AHI1: variants seen among roughly 807,000 people sequenced by gnomAD.
AHI1 encodes the protein Abelson helper integration site 1, also known as jouberin.
AHI1 carries 123 observed loss-of-function variants against 149.3 expected under a neutral mutation model. The observed-to-expected ratio is 0.82, with a 90% CI of 0.71 to 0.96. The LOEUF is 0.96. Ranked by LOEUF, AHI1 falls within the 40% of genes least tolerant of loss-of-function variation. AHI1 has a pLI of 0.00. For synonymous variants in AHI1, 475 were observed against 459.8 expected (o/e 1.03, Z -0.42); for missense variants, 1,439 against 1,422.7 (o/e 1.01, Z -0.18).
chr6:135,312,853 T>C (rs1785405480), intron 26 of AHI1, among the ~76,000 whole-genome samples: 1 of 152,234 alleles, frequency 6.6e-6, no homozygotes, highest in Non-Finnish European at 1.5e-5. Context: ...AGTTCTGTAA[T>C]TCTATGAACT....
intron 27 of AHI1, among the ~76,000 whole-genome samples, chr6:135,297,790 ATAAAC>A (rs1224179448): frequency 6.6e-6 from 1 of 152,202 alleles, no homozygotes; most frequent in Non-Finnish European, 1.5e-5. Context: ...AATGTGGACT[ATAAAC>A]TACCTCCTCA....
intron 24 of AHI1, among the ~76,000 whole-genome samples, chr6:135,333,841 C>A (rs1788963084): frequency 6.6e-6 from 1 of 152,100 alleles, no homozygotes; most frequent in South Asian, 2.1e-4. Flanking sequence ...TACCTTCCAG[C>A]TTTAAAATTT....
At chr6:135,446,416 C>T (rs2757647) in intron 13 of AHI1, among the ~76,000 whole-genome samples, 66,791 of 152,018 alleles carry the variant, frequency 0.44, 17,749 homozygotes, top group East Asian at 0.59. Flanking sequence ...CCAGTCATCA[C>T]CTTGATCTTT....
At chr6:135,348,039 A>C (rs533785354) in intron 24 of AHI1, among the ~76,000 whole-genome samples, 3 of 152,216 alleles carry the variant, frequency 2.0e-5, no homozygotes, top group Non-Finnish European at 4.4e-5. Context: ...AGTTATACCA[A>C]GGGTGTCTGT....
intron 14 of AHI1, among the ~76,000 whole-genome samples, chr6:135,439,323 T>C (rs766881085): frequency 6.6e-6 from 1 of 152,238 alleles, no homozygotes; most frequent in South Asian, 2.1e-4. Flanking sequence ...TAGCTCCATG[T>C]CTCCAGCATG....
intron 23 of AHI1, among the ~76,000 whole-genome samples, chr6:135,384,881 G>C (rs1349366093): frequency 6.6e-6 from 1 of 152,148 alleles, no homozygotes; most frequent in East Asian, 1.9e-4. Flanking sequence ...CTGAGGTCAG[G>C]AGTTCAACAC....
At chr6:135,315,996 A>G (rs886499585) in intron 26 of AHI1, among the ~76,000 whole-genome samples, 1 of 152,152 alleles carries the variant, frequency 6.6e-6, no homozygotes, top group Non-Finnish European at 1.5e-5. Flanking sequence ...ATTCTAGGAT[A>G]CTGAGCAACA....
At chr6:135,447,397 G>A (rs1045651276) in intron 12 of AHI1, among the ~76,000 whole-genome samples, 4 of 152,014 alleles carry the variant, frequency 2.6e-5, no homozygotes, top group African/African-American at 9.7e-5. Flanking sequence ...TGACCACAAA[G>A]GTCACATGAA....
intron 8 of AHI1, among the ~76,000 whole-genome samples, chr6:135,461,400 C>T (rs1789860009): frequency 6.6e-6 from 1 of 151,954 alleles, no homozygotes; most frequent in African/African-American, 2.4e-5. Flanking sequence ...AATTTAGTCA[C>T]TCCTAAGAAT....
rs1192671280 is a variant in AHI1 at position 135,387,746 on chromosome 6, A to G, written c.3109+7030T>C. 2.6e-6 allele frequency: 3 copies of G among 1,174,764 alleles called. No individual in the cohort carries two copies. The East Asian group carries it at 9.9e-5, about 39-fold the overall frequency. 72.8% of individuals were successfully genotyped at this position (1,174,764 alleles called of 1,614,324 possible). Reference sequence around the variant, plus strand: ...CTTTTGGCAATAAAACAAACTGTATAATTTCAAACTAAAAAAAAAAATCAA... The same window carrying G: ...CTTTTGGCAATAAAACAAACTGTATGATTTCAAACTAAAAAAAAAAATCAA... On this transcript the variant is annotated intron_variant, in intron 23 of 28. Coordinates refer to ENST00000265602, the MANE Select transcript of AHI1 (RefSeq NM_001134831.2).
intron 25 of AHI1, among the ~76,000 whole-genome samples, chr6:135,319,795 G>A (rs1301560566): frequency 6.6e-6 from 1 of 152,096 alleles, no homozygotes; most frequent in Admixed American, 6.5e-5. Flanking sequence ...TTTATTATTG[G>A]GTTTATCTCA....
At chr6:135,307,938 CCAA>C (rs1237989023) in intron 26 of AHI1, among the ~76,000 whole-genome samples, 2 of 151,972 alleles carry the variant, frequency 1.3e-5, no homozygotes, top group East Asian at 3.9e-4. Flanking sequence ...CAGCATATTC[CCAA>C]CAACAAAGAA....
chr6:135,418,015 T>C (rs535622958), intron 20 of AHI1, among the ~76,000 whole-genome samples: 13 of 76,322 alleles, frequency 1.7e-4, no homozygotes, highest in Non-Finnish European at 2.3e-4. Context: ...GAGTATAATT[T>C]TGCAATTAAA....
At chr6:135,399,978 T>C (rs1192427226) in intron 22 of AHI1, among the ~76,000 whole-genome samples, 1 of 152,096 alleles carries the variant, frequency 6.6e-6, no homozygotes, top group Non-Finnish European at 1.5e-5. Context: ...GGGACTTGTA[T>C]GGATTATTAC....
At chr6:135,480,368 G>A (rs1029059673) in intron 5 of AHI1, among the ~76,000 whole-genome samples, 1 of 151,970 alleles carries the variant, frequency 6.6e-6, no homozygotes, top group South Asian at 2.1e-4. Flanking sequence ...GGAGGTGGGA[G>A]AATTGCTTAA....
intron 23 of AHI1, among the ~76,000 whole-genome samples, chr6:135,380,367 A>T (rs1157149116): frequency 6.6e-6 from 1 of 152,154 alleles, no homozygotes; most frequent in Non-Finnish European, 1.5e-5. Context: ...ATTAGGTATT[A>T]TAAGTAATCT....
intron 21 of AHI1, among the ~76,000 whole-genome samples, chr6:135,406,173 C>G (rs1186473163): frequency 6.6e-6 from 1 of 152,214 alleles, no homozygotes; most frequent in Non-Finnish European, 1.5e-5. Context: ...CACAGGTGGA[C>G]AGTACCTTGA....
At chr6:135,406,730 G>A (rs1289189496) in intron 21 of AHI1, among the ~76,000 whole-genome samples, 2 of 152,138 alleles carry the variant, frequency 1.3e-5, no homozygotes, top group African/African-American at 4.8e-5. Context: ...TCAACTCTGT[G>A]ATCATTAGCC....
At chr6:135,432,679 A>G (rs1413851558) in intron 16 of AHI1, among the ~76,000 whole-genome samples, 3 of 152,134 alleles carry the variant, frequency 2.0e-5, no homozygotes, top group Middle Eastern at 3.2e-3. Context: ...TCAAGATAAA[A>G]CTTTAAATAA....
Sources: allele counts gnomAD v4.1 joint callset (sites outside exome capture counted in the v4.1 genomes callset), GRCh38; gene constraint gnomAD v4.1.1; transcripts MANE v1.5; gene names NCBI Gene and HGNC (gene_info 2026-07-23, HGNC 2026-07-21).